Variants in HDAC9 observed in about 807,000 individuals in gnomAD.
HDAC9 encodes MEF-2 interacting transcription repressor (MITR) protein.
A neutral mutation model predicts 139.4 loss-of-function variants in HDAC9; 41 were observed. The observed-to-expected ratio is 0.29, with a 90% CI of 0.23 to 0.38. The LOEUF (loss-of-function observed/expected upper bound fraction) is 0.38. Ranked by LOEUF, HDAC9 falls within the 10% of genes least tolerant of loss-of-function variation. The pLI, the probability that HDAC9 is intolerant of heterozygous loss-of-function variation, is 1.00. For synonymous variants in HDAC9, 517 were observed against 476.2 expected (o/e 1.09, Z -1.12); for missense variants, 1,147 against 1,297.0 (o/e 0.88, Z 1.78).
At chr7:18,342,869 A>G (rs1352875974) in intron 1 of HDAC9, among the ~76,000 whole-genome samples, 1 of 151,880 alleles carries the variant, frequency 6.6e-6, no homozygotes, top group African/African-American at 2.4e-5. Context: ...GCAAAGAGTG[A>G]AGTGGATCTA....
chr7:18,872,882 G>C (rs1799037979), intron 21 of HDAC9, among the ~76,000 whole-genome samples: 1 of 152,094 alleles, frequency 6.6e-6, no homozygotes, highest in Non-Finnish European at 1.5e-5. Context: ...TTACTACGAT[G>C]CTTATGATTG....
chr7:18,745,096 T>C (rs532047437), intron 13 of HDAC9, among the ~76,000 whole-genome samples: 3 of 152,182 alleles, frequency 2.0e-5, no homozygotes, highest in African/African-American at 7.2e-5. Flanking sequence ...TCCATATGAA[T>C]TGCAAAGAAA....
Position 18,647,893 on chromosome 7 carries a change from C to T in HDAC9, c.1144C>T (p.Pro382Ser). Residue 382 changes from proline (P) to serine (S), a missense_variant, in exon 10 of 26, where the codon CCT becomes TCT. Around this residue, in one of 7 missense-constraint regions of HDAC9, gnomAD observed 264 missense variants for 273.8 expected, o/e 0.96. Transcript: ENST00000686413. The part of the protein sequence containing the change: ...GGSIPASSSH[P>S]HVTLEGKPPN... ...CAGCATCCCGGCATCTTCCAGCCACCCTCATGTTACTTTAGAGGGAAAGCC... is the reference window on the plus strand; with the variant it reads ...CAGCATCCCGGCATCTTCCAGCCACTCTCATGTTACTTTAGAGGGAAAGCC... 6.2e-7 allele frequency: 1 copy of T among 1,612,884 alleles called. No homozygotes were observed. The highest frequency in any genetic ancestry group is 2.2e-5 in the East Asian group (1 of 44,640).
At chr7:18,921,392 AC>A (rs1454105552) in intron 22 of HDAC9, among the ~76,000 whole-genome samples, 2 of 152,202 alleles carry the variant, frequency 1.3e-5, no homozygotes, top group African/African-American at 4.8e-5. Flanking sequence ...CAAGAAAAAA[AC>A]AACCCCATCA....
At chr7:18,181,325 C>A (rs548473295) in intron 2 of HDAC9, among the ~76,000 whole-genome samples, 3 of 152,316 alleles carry the variant, frequency 2.0e-5, no homozygotes, top group Admixed American at 2.0e-4. Context: ...AGGAATAACC[C>A]ACTGATCATG....
At chr7:18,859,845 TATATATATATATATG>T in intron 21 of HDAC9, among the ~76,000 whole-genome samples, 1 of 132,174 alleles carries the variant, frequency 7.6e-6, no homozygotes, top group South Asian at 2.5e-4. Context: ...TATATATATA[TATATATATATATATG>T]TGAGAGAATG....
intron 6 of HDAC9, among the ~76,000 whole-genome samples, chr7:18,611,716 A>G (rs1837199684): frequency 6.6e-6 from 1 of 152,142 alleles, no homozygotes; most frequent in Admixed American, 6.5e-5. Flanking sequence ...TGTAGCATCT[A>G]TCCTGATAAA....
At chr7:18,744,672 T>C (rs1464766297) in intron 13 of HDAC9, among the ~76,000 whole-genome samples, 1 of 152,076 alleles carries the variant, frequency 6.6e-6, no homozygotes, top group Admixed American at 6.5e-5. Flanking sequence ...TGAGTGTAAA[T>C]TTGAAGACAG....
chr7:18,255,103 A>G (rs996528407), intron 2 of HDAC9, among the ~76,000 whole-genome samples: 1 of 152,184 alleles, frequency 6.6e-6, no homozygotes, highest in African/African-American at 2.4e-5. Flanking sequence ...TGGTTGTTGG[A>G]TGTATTCATT....
chr7:18,620,872 G>A (rs1840034068), intron 6 of HDAC9, among the ~76,000 whole-genome samples: 2 of 151,806 alleles, frequency 1.3e-5, no homozygotes, highest in South Asian at 4.2e-4. Context: ...TATCATTGTT[G>A]TTTCCATCTG....
chr7:18,892,497 A>G (rs562225987), intron 22 of HDAC9: 1 of 152,278 alleles, frequency 6.6e-6, no homozygotes, highest in South Asian at 2.1e-4. Context: ...TTCTGTCTAC[A>G]TTTATATCAG....
chr7:18,570,761 A>G (rs139117116), intron 2 of HDAC9, among the ~76,000 whole-genome samples: 3 of 152,352 alleles, frequency 2.0e-5, no homozygotes, highest in Non-Finnish European at 4.4e-5. Context: ...TAATGTTGTA[A>G]AGAACAAATG....
intron 24 of HDAC9, among the ~76,000 whole-genome samples, chr7:18,969,917 G>A (rs1784139351): frequency 6.6e-6 from 1 of 152,060 alleles, no homozygotes; most frequent in Admixed American, 6.6e-5. Flanking sequence ...GTAACCATGA[G>A]ACATTTGGAA....
At chr7:18,881,762 G>A (rs540128214) in intron 22 of HDAC9, among the ~76,000 whole-genome samples, 87 of 152,198 alleles carry the variant, frequency 5.7e-4, no homozygotes, top group African/African-American at 9.6e-4. Flanking sequence ...TAGTAGCTCT[G>A]TTTAGCAGTT....
At chr7:18,468,671 C>G (rs916031613) in intron 1 of HDAC9, among the ~76,000 whole-genome samples, 13 of 152,090 alleles carry the variant, frequency 8.5e-5, no homozygotes, top group African/African-American at 3.1e-4. Flanking sequence ...GGCTTCAGGT[C>G]TTCTAAAATT....
intron 2 of HDAC9, among the ~76,000 whole-genome samples, chr7:18,188,468 G>C (rs993633967): frequency 6.6e-6 from 1 of 152,138 alleles, no homozygotes; most frequent in Non-Finnish European, 1.5e-5. Flanking sequence ...AACGCCAAAA[G>C]CAATTGCAAC....
At chr7:18,295,889 C>T (rs1798110176) in intron 1 of HDAC9, among the ~76,000 whole-genome samples, 1 of 152,084 alleles carries the variant, frequency 6.6e-6, no homozygotes, top group African/African-American at 2.4e-5. Flanking sequence ...CAGACAACCC[C>T]CCACAACAAA....
chr7:18,225,913 G>A (rs938581648), intron 2 of HDAC9, among the ~76,000 whole-genome samples: 1 of 152,002 alleles, frequency 6.6e-6, no homozygotes, highest in Non-Finnish European at 1.5e-5. Flanking sequence ...AGTATTAACT[G>A]TTTTCTGTTA....
chr7:18,468,875 G>A (rs1040050990), intron 1 of HDAC9, among the ~76,000 whole-genome samples: 1 of 152,146 alleles, frequency 6.6e-6, no homozygotes, highest in South Asian at 2.1e-4. Flanking sequence ...TGTGGTATAA[G>A]TACAAACCAA....
Sources: gnomAD v4.1 joint callset for allele counts (sites outside exome capture counted in the v4.1 genomes callset) on GRCh38, gnomAD v4.1.1 for gene constraint, gnomAD v4.1.1 regional missense constraint, MANE v1.5 for transcripts, NCBI Gene and HGNC (gene_info 2026-07-23, HGNC 2026-07-21) for gene names.